IGF2BP2: variants seen among roughly 807,000 people sequenced by gnomAD.
IGF2BP2 encodes the protein insulin-like growth factor 2 mRNA-binding protein 2.
Under a neutral mutation model 75.8 loss-of-function variants are expected in IGF2BP2, and 17 were observed. The observed-to-expected ratio is 0.22, with a 90% CI of 0.15 to 0.34. IGF2BP2 has a LOEUF of 0.34. Ranked by LOEUF, IGF2BP2 falls within the 10% of genes least tolerant of loss-of-function variation. IGF2BP2 has a pLI of 1.00. For missense variants in IGF2BP2, 516 were observed against 772.4 expected (o/e 0.67, Z 3.93); for synonymous variants, 288 against 295.6 (o/e 0.97, Z 0.26).
intron 2 of IGF2BP2, among the ~76,000 whole-genome samples, chr3:185,802,264 A>G (rs1738389901): frequency 7.5e-6 from 1 of 133,912 alleles, no homozygotes; most frequent in African/African-American, 3.0e-5. Context: ...GTCCTTTGCT[A>G]AGTAGCATCC....
In IGF2BP2 at chr3:185,791,618, TG is replaced by T. The variant is rs1365432052; in HGVS notation, c.239+31534del. On this transcript the variant is annotated intron_variant, in intron 2 of 15. Transcript: ENST00000382199. ...CCTCCAGGTGTGCATCACAGTGAGC[TG>T]ACATCACCTGGAGGCCATCTTTCAC... 2.6e-5 allele frequency among the ~76,000 whole-genome samples: 4 copies of T among 152,322 alleles called. No homozygotes were observed. The East Asian group carries it at 7.7e-4, about 29-fold the overall frequency.
At chr3:185,726,037 G>T (rs1262324598) in intron 2 of IGF2BP2, among the ~76,000 whole-genome samples, 1 of 152,182 alleles carries the variant, frequency 6.6e-6, no homozygotes, top group Non-Finnish European at 1.5e-5. Flanking sequence ...CCTTGAAAAT[G>T]GATGAGATCA....
At chr3:185,804,993 A>T (rs1323845469) in intron 2 of IGF2BP2, among the ~76,000 whole-genome samples, 5 of 60,440 alleles carry the variant, frequency 8.3e-5, no homozygotes, top group African/African-American at 5.4e-4. Context: ...ACTCCGTCTC[A>T]AAAAAAAAAA....
intron 2 of IGF2BP2, among the ~76,000 whole-genome samples, chr3:185,811,865 TCTCTCTCTCTCTCC>T (rs71164546): frequency 0.33 from 42,482 of 128,212 alleles, 6,686 homozygotes; most frequent in African/African-American, 0.56. Context: ...TCTCTCTCTC[TCTCTCTCTCTCTCC>T]CCCTCTCCCT....
At chr3:185,705,571 A>G (rs998945849) in intron 2 of IGF2BP2, among the ~76,000 whole-genome samples, 1 of 152,220 alleles carries the variant, frequency 6.6e-6, no homozygotes, top group African/African-American at 2.4e-5. Context: ...ACAGGAAAAA[A>G]AAAAAATCAC....
intron 2 of IGF2BP2, among the ~76,000 whole-genome samples, chr3:185,818,597 T>C (rs1329233469): frequency 6.6e-6 from 1 of 152,174 alleles, no homozygotes; most frequent in Non-Finnish European, 1.5e-5. Context: ...CACTTGCACA[T>C]ACACCACTGA....
chr3:185,802,020 G>A (rs1451103178), intron 2 of IGF2BP2, among the ~76,000 whole-genome samples: 1 of 151,886 alleles, frequency 6.6e-6, no homozygotes, highest in Non-Finnish European at 1.5e-5. Flanking sequence ...TCAAGCAGTA[G>A]GGGGCAAGGG....
At chr3:185,720,291 C>G (rs1302692478) in intron 2 of IGF2BP2, among the ~76,000 whole-genome samples, 2 of 152,094 alleles carry the variant, frequency 1.3e-5, no homozygotes, top group Non-Finnish European at 2.9e-5. Context: ...TAGTTTTTGC[C>G]AATTTCTGTG....
intron 2 of IGF2BP2, among the ~76,000 whole-genome samples, chr3:185,710,140 T>C (rs944290048): frequency 6.7e-6 from 1 of 149,746 alleles, no homozygotes. Context: ...TTTTCCTAGC[T>C]CGTAGTTTTA....
At chr3:185,705,566 A>G (rs192197402) in intron 2 of IGF2BP2, among the ~76,000 whole-genome samples, 1 of 50,934 alleles carries the variant, frequency 2.0e-5, no homozygotes, top group Non-Finnish European at 4.0e-5. Flanking sequence ...ATGAAACAGG[A>G]AAAAAAAAAA....
chr3:185,791,570 A>G (rs1419394135), intron 2 of IGF2BP2, among the ~76,000 whole-genome samples: 1 of 152,226 alleles, frequency 6.6e-6, no homozygotes, highest in African/African-American at 2.4e-5. Context: ...GCTGACACCC[A>G]GATAAAGATA....
At chr3:185,753,826 G>A (rs1473448991) in intron 2 of IGF2BP2, among the ~76,000 whole-genome samples, 1 of 152,076 alleles carries the variant, frequency 6.6e-6, no homozygotes, top group Admixed American at 6.6e-5. Context: ...TCATGGGGGT[G>A]GATCCCTCAC....
Position 185,653,104 on chromosome 3 carries a change from C to T in IGF2BP2, c.1387-936G>A, listed in dbSNP as rs527711921. On this transcript the variant is annotated intron_variant, in intron 12 of 15. Coordinates refer to ENST00000382199, the MANE Select transcript of IGF2BP2 (RefSeq NM_006548.6). Reference sequence around the variant, plus strand: ...TTGGCCTTCCAAAGTGCTGGGATTACAGGTGTGAGCCACTGCGCCCAGCTT... The same window carrying T: ...TTGGCCTTCCAAAGTGCTGGGATTATAGGTGTGAGCCACTGCGCCCAGCTT... Among the ~76,000 whole-genome samples the T allele has an allele frequency of 2.0e-5, 3 of 151,560 alleles. No homozygotes were observed. In the South Asian group the frequency reaches 6.4e-4, roughly 32 times the overall value.
chr3:185,724,108 G>A (rs1726974332), intron 2 of IGF2BP2, among the ~76,000 whole-genome samples: 1 of 152,200 alleles, frequency 6.6e-6, no homozygotes, highest in South Asian at 2.1e-4. Context: ...CAGGACCCAG[G>A]CAGGAATGAA....
rs1361893174 is a variant in IGF2BP2 at position 185,794,116 on chromosome 3, CCTGG to C, written c.239+29033_239+29036del. Among the ~76,000 whole-genome samples the C allele has an allele frequency of 2.6e-5, 4 of 151,960 alleles. No individual in the cohort carries two copies. The East Asian group carries it at 7.7e-4, about 29-fold the overall frequency. On this transcript the variant is annotated intron_variant, in intron 2 of 15. Transcript: ENST00000382199. ...GAGACTACAGGTGCATGCCACCACA[CCTGG>C]CTAATTTTTTTTATATGTATATTTT...
At chr3:185,679,323 T>C (rs1201909738) in intron 7 of IGF2BP2, among the ~76,000 whole-genome samples, 3 of 152,194 alleles carry the variant, frequency 2.0e-5, no homozygotes, top group African/African-American at 2.4e-5. Flanking sequence ...CTTAAAGTCA[T>C]AGCATCCTAT....
At chr3:185,735,185 G>A (rs1357291146) in intron 2 of IGF2BP2, among the ~76,000 whole-genome samples, 4 of 143,374 alleles carry the variant, frequency 2.8e-5, no homozygotes, top group Admixed American at 1.5e-4. Context: ...TCGCTCTGTC[G>A]CCCAGGCTGG....
At chr3:185,823,851 G>A (rs573706265) in intron 1 of IGF2BP2, among the ~76,000 whole-genome samples, 2 of 151,938 alleles carry the variant, frequency 1.3e-5, no homozygotes, top group South Asian at 2.1e-4. Flanking sequence ...GAGAGTTGGG[G>A]AGTGCGCGCG....
chr3:185,803,908 G>A (rs1213719588), intron 2 of IGF2BP2, among the ~76,000 whole-genome samples: 1 of 151,852 alleles, frequency 6.6e-6, no homozygotes, highest in Non-Finnish European at 1.5e-5. Flanking sequence ...TGGATCACCT[G>A]AGGTCAGGAG....
Sources: gnomAD v4.1 joint callset for allele counts (sites outside exome capture counted in the v4.1 genomes callset) on GRCh38, gnomAD v4.1.1 for gene constraint, MANE v1.5 for transcripts, NCBI Gene and HGNC (gene_info 2026-07-23, HGNC 2026-07-21) for gene names.